The following ADAM32 variants were observed in gnomAD, a reference collection of about 807,000 sequenced individuals.
ADAM32 encodes the protein ADAM metallopeptidase domain 32.
In ADAM32, 89 loss-of-function variants were observed where a neutral mutation model predicts 114.9. The observed-to-expected ratio is 0.77, with a 90% CI of 0.65 to 0.92. ADAM32 has a LOEUF of 0.92. Ranked by LOEUF, ADAM32 falls within the 40% of genes least tolerant of loss-of-function variation. The pLI, the probability that ADAM32 is intolerant of heterozygous loss-of-function variation, is 0.00. For synonymous variants in ADAM32, 285 were observed against 307.5 expected (o/e 0.93, Z 0.77); for missense variants, 870 against 932.8 (o/e 0.93, Z 0.88).
At chr8:39,200,213 G>A (rs1368144074) in intron 11 of ADAM32, among the ~76,000 whole-genome samples, 1 of 152,148 alleles carries the variant, frequency 6.6e-6, no homozygotes, top group Non-Finnish European at 1.5e-5. Context: ...TTCCACAATG[G>A]TTGAACTAGT....
chr8:39,177,464 T>A (rs1359954934), intron 10 of ADAM32, among the ~76,000 whole-genome samples: 2 of 152,198 alleles, frequency 1.3e-5, no homozygotes, highest in African/African-American at 4.8e-5. Flanking sequence ...GTCATTTGTG[T>A]CTTTTAATTT....
intron 9 of ADAM32, chr8:39,167,604 T>C (rs1276157364): frequency 6.6e-6 from 1 of 151,568 alleles, no homozygotes; most frequent in Non-Finnish European, 1.5e-5. Flanking sequence ...TTGATGGGGA[T>C]TGAATTGAAT....
At chr8:39,189,276 T>G (rs1202487517) in intron 11 of ADAM32, among the ~76,000 whole-genome samples, 5 of 152,212 alleles carry the variant, frequency 3.3e-5, no homozygotes, top group Admixed American at 2.0e-4. Context: ...CAAGTTTATC[T>G]AATTTCAAAG....
chr8:39,167,230 A>T (rs1459199361), intron 9 of ADAM32: 1 of 152,154 alleles, frequency 6.6e-6, no homozygotes, highest in Non-Finnish European at 1.5e-5. Flanking sequence ...ATAAGGTGAG[A>T]GATGAGGATC....
chr8:39,192,080 G>C (rs999768675), intron 11 of ADAM32, among the ~76,000 whole-genome samples: 1 of 152,074 alleles, frequency 6.6e-6, no homozygotes, highest in African/African-American at 2.4e-5. Context: ...TTTTTGGTCC[G>C]TTCAGGGATT....
Position 39,225,318 on chromosome 8 carries a change from C to G in ADAM32, c.1525+2080C>G, listed in dbSNP as rs58732806. Reference sequence around the variant, plus strand: ...TGTGCTTGAGACGCTGACTCTCCATCTGCTCCACAAACACCCACTCTACTT... The same window carrying G: ...TGTGCTTGAGACGCTGACTCTCCATGTGCTCCACAAACACCCACTCTACTT... On this transcript the variant is annotated intron_variant, in intron 14 of 24. Transcript: ENST00000379907. 4.3e-3 allele frequency among the ~76,000 whole-genome samples: 659 copies of G among 152,324 alleles called. 3 individuals carry two copies. The highest frequency in any genetic ancestry group is 0.015 in the African/African-American group (626 of 41,584).
intron 22 of ADAM32, among the ~76,000 whole-genome samples, chr8:39,280,701 C>T (rs1486797717): frequency 6.6e-6 from 1 of 152,050 alleles, no homozygotes; most frequent in African/African-American, 2.4e-5. Flanking sequence ...TATAAAATGG[C>T]CTGTTTTTCA....
intron 2 of ADAM32, among the ~76,000 whole-genome samples, chr8:39,134,285 C>G (rs1002131659): frequency 2.6e-5 from 4 of 151,944 alleles, no homozygotes; most frequent in African/African-American, 9.7e-5. Context: ...TGTGAATTCC[C>G]AGTCTGAAAG....
intron 7 of ADAM32, among the ~76,000 whole-genome samples, chr8:39,162,857 C>T (rs1804599864): frequency 6.6e-6 from 1 of 152,018 alleles, no homozygotes; most frequent in African/African-American, 2.4e-5. Flanking sequence ...AAAAATTAGC[C>T]AGGCGTGGTG....
chr8:39,154,578 T>C, intron 6 of ADAM32, among the ~76,000 whole-genome samples: 1 of 152,204 alleles, frequency 6.6e-6, no homozygotes, highest in East Asian at 1.9e-4. Flanking sequence ...CTGGGTCAAA[T>C]GGTATTTTTG....
chr8:39,140,301 T>C (rs1193512691), intron 3 of ADAM32, among the ~76,000 whole-genome samples: 1 of 152,092 alleles, frequency 6.6e-6, no homozygotes, highest in African/African-American at 2.4e-5. Context: ...TTGTCATAAA[T>C]AGCTGTTATT....
chr8:39,247,242 C>T (rs937775085), intron 17 of ADAM32, among the ~76,000 whole-genome samples: 5 of 152,076 alleles, frequency 3.3e-5, no homozygotes, highest in South Asian at 2.1e-4. Context: ...TGTATCATAT[C>T]GTAAGAGTAT....
At chr8:39,179,618 G>T (rs993817295) in intron 10 of ADAM32, among the ~76,000 whole-genome samples, 7 of 152,312 alleles carry the variant, frequency 4.6e-5, no homozygotes, top group Non-Finnish European at 7.4e-5. Context: ...GGGCTGCAAA[G>T]AGCCATGAGA....
At chr8:39,258,145 T>A (rs2129450713) in intron 19 of ADAM32, among the ~76,000 whole-genome samples, 1 of 152,102 alleles carries the variant, frequency 6.6e-6, no homozygotes, top group South Asian at 2.1e-4. Context: ...TTTTTTTCTT[T>A]TTCATGAGCA....
At chr8:39,248,941 T>C (rs1811107862) in intron 17 of ADAM32, among the ~76,000 whole-genome samples, 1 of 151,358 alleles carries the variant, frequency 6.6e-6, no homozygotes, top group African/African-American at 2.4e-5. Context: ...CTCACTGTGT[T>C]GCCCAGGCTG....
intron 17 of ADAM32, among the ~76,000 whole-genome samples, chr8:39,249,947 T>G (rs192320405): frequency 6.0e-4 from 91 of 152,246 alleles, no homozygotes; most frequent in African/African-American, 2.1e-3. Flanking sequence ...CAGTATAATT[T>G]TTATCTTTGT....
chr8:39,198,562 G>C (rs1439564829), intron 11 of ADAM32, among the ~76,000 whole-genome samples: 2 of 152,100 alleles, frequency 1.3e-5, no homozygotes, highest in Admixed American at 6.6e-5. Flanking sequence ...GTTGTTAGTG[G>C]AGATGGGGTT....
intron 2 of ADAM32, among the ~76,000 whole-genome samples, chr8:39,124,001 C>T (rs1373795091): frequency 1.3e-5 from 2 of 151,730 alleles, no homozygotes; most frequent in Admixed American, 1.3e-4. Flanking sequence ...GCCACTGTGC[C>T]TGGCCTTCTT....
chr8:39,175,523 A>G (rs1805470843), intron 10 of ADAM32, among the ~76,000 whole-genome samples: 1 of 152,228 alleles, frequency 6.6e-6, no homozygotes, highest in African/African-American at 2.4e-5. Flanking sequence ...CCTGGGGACG[A>G]AGCCAACTTG....
Sources: allele counts gnomAD v4.1 joint callset (sites outside exome capture counted in the v4.1 genomes callset), GRCh38; gene constraint gnomAD v4.1.1; transcripts MANE v1.5; gene names NCBI Gene and HGNC (gene_info 2026-07-23, HGNC 2026-07-21).